Variants in DIP2C observed in about 807,000 individuals in gnomAD.
DIP2C encodes disco-interacting protein 2 homolog C.
DIP2C carries 33 observed loss-of-function variants against 192.4 expected under a neutral mutation model. The observed-to-expected ratio is 0.17, with a 90% confidence interval of 0.13 to 0.23. The LOEUF (loss-of-function observed/expected upper bound fraction) is 0.23. DIP2C is among the 10% of genes least tolerant of loss of function. DIP2C has a pLI of 1.00. For synonymous variants in DIP2C, 979 were observed against 864.1 expected (o/e 1.13, Z -2.33); for missense variants, 1,537 against 2,110.1 (o/e 0.73, Z 5.32).
intron 1 of DIP2C, among the ~76,000 whole-genome samples, chr10:613,084 G>A (rs1853211351): frequency 6.6e-6 from 1 of 152,192 alleles, no homozygotes; most frequent in Admixed American, 6.5e-5. Flanking sequence ...CAAGGTCTAG[G>A]ACCGTTCTAA....
In DIP2C at chr10:679,203, G is replaced by A. The variant is rs1310307469; in HGVS notation, c.85+10291C>T. ...CATGCTCCCCACACCCAGGCTCCCC[G>A]CGCCCATCTCTACTCCCCACACCCA... On this transcript the variant is annotated intron_variant, in intron 1 of 36. Transcript: ENST00000280886. Among the ~76,000 whole-genome samples the A allele has an allele frequency of 4.3e-3, 44 of 10,212 alleles. 4 individuals are homozygous for A. Among genetic ancestry groups the A allele is most frequent in the African/African-American group, 9.9e-3 (43 of 4,338 alleles). The allele number at this position is 10,212 out of a possible 152,430, so 6.7% of individuals were successfully genotyped here.
intron 35 of DIP2C, among the ~76,000 whole-genome samples, chr10:282,448 A>T (rs961277642): frequency 1.3e-5 from 2 of 152,204 alleles, no homozygotes; most frequent in Non-Finnish European, 1.5e-5. Flanking sequence ...TAGGTATGTT[A>T]GAGAGGTATG....
At chr10:375,362 C>G (rs544767038) in intron 17 of DIP2C, among the ~76,000 whole-genome samples, 6 of 152,204 alleles carry the variant, frequency 3.9e-5, no homozygotes, top group African/African-American at 1.4e-4. Context: ...TGAGGCCTCA[C>G]CAGGAGCTGA....
intron 1 of DIP2C, among the ~76,000 whole-genome samples, chr10:574,775 A>T (rs1044598902): frequency 6.6e-6 from 1 of 152,194 alleles, no homozygotes; most frequent in Non-Finnish European, 1.5e-5. Context: ...CACTATCTTC[A>T]ATGTGCTATG....
At chr10:343,357 G>C (rs1030124661) in intron 28 of DIP2C, among the ~76,000 whole-genome samples, 1 of 152,316 alleles carries the variant, frequency 6.6e-6, no homozygotes, top group Non-Finnish European at 1.5e-5. Context: ...AAAGGGACCA[G>C]CACAGAGCCT....
At position 283,301 on chromosome 10, in the gene DIP2C, C is replaced by T. The variant is rs373727129; in HGVS notation, c.4265G>A (p.Arg1422Gln). 3 of 1,613,812 alleles carry T rather than the reference C, an allele frequency of 1.9e-6. No individual in the cohort carries two copies. Among genetic ancestry groups the T allele is most frequent in the African/African-American group, 1.3e-5 (1 of 74,886 alleles). Residue 1422 changes from arginine to glutamine, a missense_variant, in exon 35 of 37, where the codon CGG becomes CAG. By Grantham distance (43) the Arg-to-Gln change is conservative (BLOSUM62 1). Transcript: ENST00000280886. ...WARTGYLGFL[R>Q]RTELTDANGE... Reference sequence around the variant, plus strand: ...ATTTGCATCTGTGAGCTCAGTTCTCCGCAGGAACCCCAAGTAGCCTGTGCG... The same window carrying T: ...ATTTGCATCTGTGAGCTCAGTTCTCTGCAGGAACCCCAAGTAGCCTGTGCG...
chr10:653,006 G>A (rs949469293), intron 1 of DIP2C, among the ~76,000 whole-genome samples: 1 of 151,932 alleles, frequency 6.6e-6, no homozygotes, highest in Admixed American at 6.6e-5. Context: ...AGGGGTCACA[G>A]CTCCACATTG....
chr10:341,922 C>A (rs140450448), intron 28 of DIP2C, among the ~76,000 whole-genome samples: 5 of 152,148 alleles, frequency 3.3e-5, no homozygotes, highest in Admixed American at 6.5e-5. Flanking sequence ...AACAAATGCA[C>A]GATACCTGGC....
rs200568421 is a variant in DIP2C, at chr10:580,316, TCCA to T, written c.86-93789_86-93787del. On this transcript the variant is annotated intron_variant, in intron 1 of 36. Transcript: ENST00000280886. ...GCATGCGTACATTAGTGTGCACATA[TCCA>T]CAAGTTTATTCAGTGTGCGTAGTGT... 6.3e-3 allele frequency among the ~76,000 whole-genome samples: 963 copies of T among 152,302 alleles called. 31 individuals carry two copies. Among genetic ancestry groups the T allele is most frequent in the Admixed American group, 0.054 (821 of 15,302 alleles).
intron 1 of DIP2C, among the ~76,000 whole-genome samples, chr10:548,378 G>A (rs921306734): frequency 6.0e-5 from 9 of 151,088 alleles, no homozygotes; most frequent in Admixed American, 2.6e-4. Context: ...AGCAGAAGAC[G>A]GGAAAAGAGC....
At chr10:576,919 TAA>T (rs983081552) in intron 1 of DIP2C, among the ~76,000 whole-genome samples, 1 of 144,842 alleles carries the variant, frequency 6.9e-6, no homozygotes, top group African/African-American at 2.5e-5. Flanking sequence ...TTCTGTCTAA[TAA>T]AAAAAAAAAT....
intron 24 of DIP2C, among the ~76,000 whole-genome samples, chr10:352,724 C>A (rs1347018504): frequency 6.6e-6 from 1 of 152,182 alleles, no homozygotes; most frequent in African/African-American, 2.4e-5. Context: ...GCTCACGTTG[C>A]AGGCTGGCAG....
intron 3 of DIP2C, among the ~76,000 whole-genome samples, chr10:452,075 A>G (rs1335628471): frequency 2.0e-5 from 3 of 152,208 alleles, no homozygotes; most frequent in Non-Finnish European, 4.4e-5. Context: ...GCTGACCCAC[A>G]GGATCGGGTA....
At chr10:670,376 A>G (rs544941666) in intron 1 of DIP2C, among the ~76,000 whole-genome samples, 2 of 152,122 alleles carry the variant, frequency 1.3e-5, no homozygotes, top group Non-Finnish European at 2.9e-5. Context: ...ACATGCACAC[A>G]CATGCATGTG....
At chr10:396,838 AAACTGGCTGCAAATCCG>A (rs1964029789) in intron 10 of DIP2C, among the ~76,000 whole-genome samples, 3 of 40,188 alleles carry the variant, frequency 7.5e-5, no homozygotes, top group Non-Finnish European at 1.8e-4. Context: ...GGGGGGGGGG[AAACTGGCTGCAAATCCG>A]GTGGGGGGGA....
At chr10:433,690 AAAAT>A (rs559081699) in intron 4 of DIP2C, among the ~76,000 whole-genome samples, 121 of 152,252 alleles carry the variant, frequency 7.9e-4, no homozygotes, top group Non-Finnish European at 1.2e-3. Flanking sequence ...CAAAAAAAAT[AAAAT>A]AAATAAATTA....
chr10:640,158 G>A (rs915858449), intron 1 of DIP2C, among the ~76,000 whole-genome samples: 2 of 152,262 alleles, frequency 1.3e-5, no homozygotes, highest in East Asian at 3.9e-4. Context: ...CACCTACCAC[G>A]CGGCTAACAC....
intron 3 of DIP2C, among the ~76,000 whole-genome samples, chr10:462,196 A>C (rs1303624700): frequency 6.6e-6 from 1 of 152,114 alleles, no homozygotes; most frequent in Non-Finnish European, 1.5e-5. Flanking sequence ...GAAATGAAGG[A>C]GACAGAGACA....
intron 30 of DIP2C, among the ~76,000 whole-genome samples, chr10:327,948 C>A (rs1269582256): frequency 6.6e-6 from 1 of 152,090 alleles, no homozygotes. Context: ...ACTACCTGGG[C>A]CGAGCAGAGG....
Sources: gnomAD v4.1 joint callset for allele counts (sites outside exome capture counted in the v4.1 genomes callset) on GRCh38, gnomAD v4.1.1 for gene constraint, MANE v1.5 for transcripts, NCBI Gene and HGNC (gene_info 2026-07-23, HGNC 2026-07-21) for gene names.